EMILIN2: variants seen among roughly 807,000 people sequenced by gnomAD.
EMILIN2 encodes the protein EMILIN-2.
EMILIN2 carries 71 observed loss-of-function variants against 87.1 expected under a neutral mutation model. That is an observed-to-expected ratio of 0.82 (90% confidence interval 0.67 to 0.99). The LOEUF (loss-of-function observed/expected upper bound fraction) is 0.99, where lower values mean the gene tolerates loss of function less well. Among genes scored for constraint, EMILIN2 ranks in the 50% least tolerant of loss-of-function variants. The probability of loss-of-function intolerance (pLI) is 0.00; values close to 1 mark genes in which losing one functional copy is unlikely to be tolerated. For synonymous variants in EMILIN2, 581 were observed against 563.4 expected, an observed-to-expected ratio of 1.03 and a Z score of -0.44; for missense variants, 1,407 against 1,371.8, an observed-to-expected ratio of 1.03 and a Z score of -0.40.
At chr18:2,876,491 G>C (rs1360445546) in intron 2 of EMILIN2, among the ~76,000 whole-genome samples, 2 of 149,318 alleles carry the variant, frequency 1.3e-5, no homozygotes, top group Non-Finnish European at 3.0e-5. Flanking sequence ...AAAGCACCAG[G>C]CGCGGTGGCT....
At position 2,892,238 on chromosome 18, in the gene EMILIN2, G is replaced by A; in HGVS notation, c.2111G>A (p.Gly704Asp). 1 of 1,612,548 alleles carries A rather than the reference G, an allele frequency of 6.2e-7. No homozygotes were observed. The highest frequency in any genetic ancestry group is 8.5e-7 in the Non-Finnish European group (1 of 1,178,758). ...CAGAGGGAGGTCTCCATGGTGGAGG[G>A]CAGGGTGTCTCATATGGAGAAAACT... ...GVQREVSMVE[G>D]RVSHMEKTCS... The change falls in exon 4 of 8, where the codon GGC (glycine) becomes GAC (aspartate). Residue 704 changes from glycine to aspartate, a missense_variant. Coordinates refer to ENST00000254528, the MANE Select transcript of EMILIN2 (RefSeq NM_032048.3).
intron 4 of EMILIN2, among the ~76,000 whole-genome samples, chr18:2,893,149 C>T (rs368682099): frequency 2.0e-5 from 3 of 152,240 alleles, no homozygotes; most frequent in African/African-American, 7.2e-5. Context: ...AAAAGGAAAA[C>T]TGGTTCTTCC....
At chr18:2,904,373 C>G (rs889423740) in intron 4 of EMILIN2, among the ~76,000 whole-genome samples, 2 of 152,176 alleles carry the variant, frequency 1.3e-5, no homozygotes, top group African/African-American at 4.8e-5. Flanking sequence ...TCTCTCCTTA[C>G]CATCCCATTA....
At chr18:2,871,517 T>C (rs903774292) in intron 2 of EMILIN2, among the ~76,000 whole-genome samples, 11 of 152,206 alleles carry the variant, frequency 7.2e-5, no homozygotes, top group Admixed American at 7.2e-4. Flanking sequence ...TGGAGGGGGA[T>C]GCCCAGCTGG....
chr18:2,856,099 G>C (rs2076625782), intron 2 of EMILIN2, among the ~76,000 whole-genome samples: 1 of 152,144 alleles, frequency 6.6e-6, no homozygotes, highest in South Asian at 2.1e-4. Flanking sequence ...GCTCAGCCGG[G>C]CACGGTAGTA....
rs1018515574 is a variant in EMILIN2, at chr18:2,907,599, G to A, written c.2662+514G>A. Among the ~76,000 whole-genome samples the A allele has an allele frequency of 1.4e-4, 21 of 152,250 alleles. 1 individual carries two copies. The highest frequency in any genetic ancestry group is 8.3e-4 in the South Asian group (4 of 4,834). On this transcript the variant is annotated intron_variant, in intron 5 of 7. Coordinates refer to ENST00000254528, the MANE Select transcript of EMILIN2 (RefSeq NM_032048.3). ...AAAGCCCAGTTCAGTGCCCCACTGG[G>A]AAGTGCTCCCCATGAGTTGTGAATG... is the stretch of plus-strand genomic sequence containing the variant.
chr18:2,849,555 A>C (rs546342968), intron 2 of EMILIN2, among the ~76,000 whole-genome samples: 2 of 152,356 alleles, frequency 1.3e-5, no homozygotes, highest in East Asian at 3.9e-4. Flanking sequence ...AATCGCCTCC[A>C]GATTGGCAGG....
chr18:2,856,532 TG>T, intron 2 of EMILIN2, among the ~76,000 whole-genome samples: 1 of 152,324 alleles, frequency 6.6e-6, no homozygotes, highest in South Asian at 2.1e-4. Flanking sequence ...CTTCCTCGTG[TG>T]CCTAATATTG....
intron 2 of EMILIN2, among the ~76,000 whole-genome samples, chr18:2,850,182 C>T (rs1459188388): frequency 1.3e-5 from 2 of 150,820 alleles, no homozygotes; most frequent in African/African-American, 4.9e-5. Context: ...TCAGGCAATC[C>T]GCCCGCCTCA....
At chr18:2,851,999 GCCCTCTGTCTCTATA>G (rs1429841991) in intron 2 of EMILIN2, among the ~76,000 whole-genome samples, 1 of 152,182 alleles carries the variant, frequency 6.6e-6, no homozygotes, top group Non-Finnish European at 1.5e-5. Flanking sequence ...TTTGCGGACT[GCCCTCTGTCTCTATA>G]GCAATGCAGA....
In EMILIN2 at chr18:2,847,979, G is replaced by GCGCCC. The variant is rs1237259381; in HGVS notation, c.257+48_257+49insCGCCC. 6.6e-7 allele frequency: 1 copy of GCGCCC among 1,523,174 alleles called. No homozygotes were observed. Among genetic ancestry groups the GCGCCC allele is most frequent in the Non-Finnish European group, 8.8e-7 (1 of 1,137,438 alleles). 94.4% of individuals were successfully genotyped at this position (1,523,174 alleles called of 1,614,324 possible). On this transcript the variant is annotated intron_variant, in intron 2 of 7. Transcript: ENST00000254528. This position sits in a 1 kb window ranked among gnomAD's most constrained non-coding sequence, Gnocchi z 4.5. ...GGGCGGGGCGCGCCCGGGCCGGGGC[G>GCGCCC]GTGGGGGTGGGGTGGGGTTGCTGCG...
At chr18:2,912,492 C>A (rs923714373) in intron 7 of EMILIN2, among the ~76,000 whole-genome samples, 1 of 152,182 alleles carries the variant, frequency 6.6e-6, no homozygotes, top group Non-Finnish European at 1.5e-5. Flanking sequence ...AGCTGTGGGG[C>A]CACCTACAGC....
intron 2 of EMILIN2, among the ~76,000 whole-genome samples, chr18:2,850,695 A>G (rs1030711475): frequency 1.3e-5 from 2 of 152,156 alleles, no homozygotes; most frequent in South Asian, 2.1e-4. Context: ...TTGGAAGTAC[A>G]GGGCTGGAGG....
At chr18:2,893,263 C>A (rs116391553) in intron 4 of EMILIN2, among the ~76,000 whole-genome samples, 1 of 152,274 alleles carries the variant, frequency 6.6e-6, no homozygotes, top group Non-Finnish European at 1.5e-5. Context: ...GTTGTCCTCT[C>A]TTCTACCTAG....
chr18:2,874,463 GTTC>G (rs2076737619), intron 2 of EMILIN2, among the ~76,000 whole-genome samples: 1 of 152,080 alleles, frequency 6.6e-6, no homozygotes, highest in African/African-American at 2.4e-5. Flanking sequence ...CTTTGCATCA[GTTC>G]TTCTCTTTAT....
Position 2,847,429 on chromosome 18 carries a change from C to G in EMILIN2, c.134+107C>G. 2.6e-6 allele frequency: 3 copies of G among 1,156,058 alleles called. No homozygotes were observed. The highest frequency in any genetic ancestry group is 3.3e-6 in the Non-Finnish European group (3 of 919,626). The allele number at this position is 1,156,058 out of a possible 1,614,324, so 71.6% of individuals were successfully genotyped here. ...GACGACGAGCGGCAGCCGGGGGCCT[C>G]CCTTGGACTTCCCCGGGCGGCTCCC... On this transcript the variant is annotated intron_variant, in intron 1 of 7. Transcript: ENST00000254528. The surrounding 1 kb of genome is among the most constrained non-coding windows in gnomAD (Gnocchi z 4.5).
intron 2 of EMILIN2, among the ~76,000 whole-genome samples, chr18:2,859,486 T>C (rs1009976304): frequency 6.6e-6 from 1 of 152,214 alleles, no homozygotes; most frequent in African/African-American, 2.4e-5. Flanking sequence ...GTCAGATGTA[T>C]AGACTGTGAA....
rs544714683 is a variant in EMILIN2, at chr18:2,863,796, ATCTG to A, written c.257+15869_257+15872del. 3.6e-3 allele frequency among the ~76,000 whole-genome samples: 543 copies of A among 152,212 alleles called. 6 individuals carry two copies. Among genetic ancestry groups the A allele is most frequent in the African/African-American group, 0.012 (504 of 41,508 alleles). Reference sequence around the variant, plus strand: ...TCCTTCTTAACTTTCTGTCTCGTTGATCTGTCTAATGTTGACAGTGGGGTGTTAA... The same window carrying A: ...TCCTTCTTAACTTTCTGTCTCGTTGATCTAATGTTGACAGTGGGGTGTTAA... On this transcript the variant is annotated intron_variant, in intron 2 of 7. Transcript: ENST00000254528.
upstream of EMILIN2, among the ~76,000 whole-genome samples, chr18:2,846,505 CAAAG>C (rs2076574093): frequency 6.6e-6 from 1 of 152,206 alleles, no homozygotes; most frequent in South Asian, 2.1e-4. This position sits in a 1 kb window ranked among gnomAD's most constrained non-coding sequence, Gnocchi z 5.3. Flanking sequence ...CAGAGTTGGG[CAAAG>C]AAAGAACCAG....
Sources: gnomAD v4.1 joint callset for allele counts (sites outside exome capture counted in the v4.1 genomes callset) on GRCh38, gnomAD v4.1.1 for gene constraint, Gnocchi (gnomAD v3.1) non-coding constraint, MANE v1.5 for transcripts, NCBI Gene and HGNC (gene_info 2026-07-23, HGNC 2026-07-21) for gene names.